The following ARHGAP22 variants were observed in gnomAD, a reference collection of about 807,000 sequenced individuals.
The protein encoded by ARHGAP22 is rho GTPase-activating protein 22.
A neutral mutation model predicts 59.1 loss-of-function variants in ARHGAP22; 48 were observed. The ratio of observed to expected loss-of-function variants is 0.81; its 90% CI spans 0.64 to 1.03. The LOEUF (loss-of-function observed/expected upper bound fraction) is 1.03, where lower values mean the gene tolerates loss of function less well. Among genes scored for constraint, ARHGAP22 ranks in the 50% least tolerant of loss-of-function variants. The probability of loss-of-function intolerance (pLI) is 0.00; values close to 1 mark genes in which losing one functional copy is unlikely to be tolerated. For synonymous variants in ARHGAP22, 445 were observed against 416.4 expected (o/e 1.07, Z -0.84); for missense variants, 1,015 against 958.7 (o/e 1.06, Z -0.78).
intron 3 of ARHGAP22, among the ~76,000 whole-genome samples, chr10:48,539,303 T>C (rs1399987005): frequency 6.9e-6 from 1 of 145,592 alleles, no homozygotes; most frequent in Admixed American, 6.7e-5. Context: ...TTTTTTTTTT[T>C]TTTTTTGAGA....
At chr10:48,474,589 T>C (rs550320851) in intron 4 of ARHGAP22, among the ~76,000 whole-genome samples, 3 of 152,332 alleles carry the variant, frequency 2.0e-5, no homozygotes, top group East Asian at 3.9e-4. Context: ...AGATGCCCTT[T>C]ATCATAGGAA....
intron 1 of ARHGAP22, among the ~76,000 whole-genome samples, chr10:48,628,837 A>G (rs536170331): frequency 1.6e-4 from 24 of 152,200 alleles, no homozygotes; most frequent in African/African-American, 5.5e-4. Context: ...TTGCAGTAAG[A>G]GGAGCAAAGC....
At chr10:48,495,415 G>T (rs1475896200) in intron 3 of ARHGAP22, among the ~76,000 whole-genome samples, 1 of 152,228 alleles carries the variant, frequency 6.6e-6, no homozygotes, top group Non-Finnish European at 1.5e-5. Context: ...GCTACAGAAG[G>T]TTGAATAATT....
intron 5 of ARHGAP22, among the ~76,000 whole-genome samples, chr10:48,457,075 T>G (rs1241138000): frequency 1.3e-5 from 2 of 152,064 alleles, no homozygotes; most frequent in African/African-American, 4.8e-5. Flanking sequence ...ACGAGGTGCC[T>G]GCCCTGGGGA....
At chr10:48,508,904 G>A (rs756562803) in intron 3 of ARHGAP22, among the ~76,000 whole-genome samples, 51 of 152,262 alleles carry the variant, frequency 3.3e-4, no homozygotes, top group African/African-American at 1.1e-3. Flanking sequence ...AGAAGCAAGC[G>A]TTCCTAAGGA....
chr10:48,625,947 C>T (rs2061434792), intron 1 of ARHGAP22, among the ~76,000 whole-genome samples: 1 of 152,128 alleles, frequency 6.6e-6, no homozygotes. Context: ...AAAGTGCTTC[C>T]CCAAATGCTC....
upstream of ARHGAP22, among the ~76,000 whole-genome samples, chr10:48,606,053 C>G (rs2060659345): frequency 6.6e-6 from 1 of 152,140 alleles, no homozygotes; most frequent in African/African-American, 2.4e-5. Context: ...CTCCGTGTAT[C>G]CTCTTAGGCA....
At chr10:48,562,441 C>T (rs1245374313) in intron 2 of ARHGAP22, among the ~76,000 whole-genome samples, 1 of 152,126 alleles carries the variant, frequency 6.6e-6, no homozygotes, top group Non-Finnish European at 1.5e-5. Context: ...GCATACAGTG[C>T]AATACTACCC....
intron 3 of ARHGAP22, among the ~76,000 whole-genome samples, chr10:48,500,288 A>G (rs921951267): frequency 6.6e-6 from 1 of 152,068 alleles, no homozygotes; most frequent in Non-Finnish European, 1.5e-5. Flanking sequence ...AGAAGCTGAA[A>G]TAAGCTGTGA....
intron 2 of ARHGAP22, among the ~76,000 whole-genome samples, chr10:48,578,687 G>C (rs201968149): frequency 6.7e-6 from 1 of 149,316 alleles, no homozygotes; most frequent in Non-Finnish European, 1.5e-5. Flanking sequence ...TTTTGAAAAA[G>C]TTTTTTTTTT....
At chr10:48,429,883 G>A in the ARHGAP22 span, 2 of 152,094 alleles carry the variant, frequency 1.3e-5, no homozygotes, top group Admixed American at 6.5e-5. Context: ...CTTGAAATTC[G>A]ATGCAATATT....
At chr10:48,623,961 T>C (rs1334502028) in intron 1 of ARHGAP22, 3 of 152,262 alleles carry the variant, frequency 2.0e-5, no homozygotes, top group Non-Finnish European at 4.4e-5. Flanking sequence ...TGGGTGAGTG[T>C]ATTTTTTAGT....
chr10:48,481,044 A>G (rs1395936153), intron 3 of ARHGAP22, among the ~76,000 whole-genome samples: 1 of 152,256 alleles, frequency 6.6e-6, no homozygotes, highest in Admixed American at 6.5e-5. Context: ...AGGAGCAGCC[A>G]GGGCTCTGTG....
At chr10:48,464,521 T>G (rs925159382) in intron 4 of ARHGAP22, among the ~76,000 whole-genome samples, 3 of 151,658 alleles carry the variant, frequency 2.0e-5, no homozygotes, top group Non-Finnish European at 4.4e-5. Flanking sequence ...GGTAGGCGGG[T>G]GGGGGTGCAG....
chr10:48,592,251 GCTCAAGC>G (rs2059804738), intron 1 of ARHGAP22, among the ~76,000 whole-genome samples: 1 of 152,076 alleles, frequency 6.6e-6, no homozygotes, highest in Non-Finnish European at 1.5e-5. Context: ...GAACTCCTGG[GCTCAAGC>G]AATCCTCAGC....
At chr10:48,655,036 T>C, upstream of ARHGAP22, among the ~76,000 whole-genome samples, 1 of 61,722 alleles carries the variant, frequency 1.6e-5, no homozygotes, top group African/African-American at 6.7e-5. Flanking sequence ...CTTTCATTCT[T>C]TCTTTCTTTC....
At chr10:48,645,061 A>C (rs1297539738) in intron 1 of ARHGAP22, among the ~76,000 whole-genome samples, 1 of 152,210 alleles carries the variant, frequency 6.6e-6, no homozygotes, top group African/African-American at 2.4e-5. Flanking sequence ...ATCAGTAATG[A>C]AAAAGGGGAC....
At chr10:48,494,828 T>G (rs1054434258) in intron 3 of ARHGAP22, among the ~76,000 whole-genome samples, 3 of 152,168 alleles carry the variant, frequency 2.0e-5, no homozygotes, top group Non-Finnish European at 1.5e-5. Flanking sequence ...TGTCAGCCAC[T>G]CTAGCACCCT....
chr10:48,639,481 A>G (rs1354174891), intron 1 of ARHGAP22, among the ~76,000 whole-genome samples: 1 of 152,242 alleles, frequency 6.6e-6, no homozygotes, highest in African/African-American at 2.4e-5. Flanking sequence ...TTCCCTACCC[A>G]TGCACAGATC....
Sources: allele counts gnomAD v4.1 joint callset (sites outside exome capture counted in the v4.1 genomes callset), GRCh38; gene constraint gnomAD v4.1.1; transcripts MANE v1.5; gene names NCBI Gene and HGNC (gene_info 2026-07-23, HGNC 2026-07-21).